TGFBR2: variants seen among roughly 807,000 people sequenced by gnomAD.
TGFBR2 encodes transforming growth factor beta receptor 2.
In TGFBR2, 18 loss-of-function variants were observed where a neutral mutation model predicts 49.0. That is an observed-to-expected ratio of 0.37 (90% CI 0.25 to 0.54). TGFBR2 has a LOEUF of 0.54. Ranked by LOEUF, TGFBR2 falls within the 20% of genes least tolerant of loss-of-function variation. The pLI is 0.85. For synonymous variants in TGFBR2, 282 were observed against 275.9 expected (o/e 1.02, Z -0.22); for missense variants, 525 against 722.6 (o/e 0.73, Z 3.13).
chr3:30,620,719 C>T (rs1559448388), intron 1 of TGFBR2, among the ~76,000 whole-genome samples: 1 of 152,238 alleles, frequency 6.6e-6, no homozygotes, highest in East Asian at 1.9e-4. Context: ...CACACCATCT[C>T]ACGCAGGACA....
At chr3:30,628,958 A>T (rs570773109) in intron 1 of TGFBR2, among the ~76,000 whole-genome samples, 9 of 152,260 alleles carry the variant, frequency 5.9e-5, no homozygotes, top group Non-Finnish European at 7.4e-5. Flanking sequence ...AGAAGTTGGG[A>T]TAGAACTTTA....
At chr3:30,645,673 A>G (rs1221317120) in intron 2 of TGFBR2, among the ~76,000 whole-genome samples, 1 of 151,846 alleles carries the variant, frequency 6.6e-6, no homozygotes, top group African/African-American at 2.4e-5. Flanking sequence ...TTTAGTAGAG[A>G]CGGGGTTTCA....
At position 30,693,714 on chromosome 3, in the gene TGFBR2, T is replaced by G. The variant is rs1699751017; in HGVS notation, c.*2115T>G. 4.3e-6 allele frequency: 1 copy of G among 233,580 alleles called. No homozygotes were observed. The allele number at this position is 233,580 out of a possible 1,614,324, so 14.5% of individuals were successfully genotyped here. ...ATAGCTGTTGCCCATTGACCTCTAG[T>G]GGTGAGTTTCTAGAATACTGGTCCA... On this transcript the variant is annotated 3_prime_UTR_variant, in exon 7 of 7. Coordinates refer to ENST00000295754, the MANE Select transcript of TGFBR2 (RefSeq NM_003242.6).
At chr3:30,673,210 C>G (rs1417058360) in intron 4 of TGFBR2, among the ~76,000 whole-genome samples, 2 of 152,120 alleles carry the variant, frequency 1.3e-5, no homozygotes, top group Admixed American at 1.3e-4. Context: ...GAAATATGGA[C>G]AGACTAATGT....
intron 2 of TGFBR2, among the ~76,000 whole-genome samples, chr3:30,649,949 T>G (rs529493040): frequency 1.0e-3 from 156 of 152,302 alleles, no homozygotes; most frequent in African/African-American, 3.4e-3. Context: ...GTCTTCCCCT[T>G]TAATGATTTA....
intron 1 of TGFBR2, among the ~76,000 whole-genome samples, chr3:30,612,090 C>T (rs1215628887): frequency 1.3e-5 from 2 of 152,080 alleles, no homozygotes; most frequent in Non-Finnish European, 2.9e-5. Flanking sequence ...TACTTCTTTG[C>T]TTGGCATGCC....
chr3:30,654,593 C>A (rs553314941), intron 3 of TGFBR2, among the ~76,000 whole-genome samples: 2 of 152,144 alleles, frequency 1.3e-5, no homozygotes, highest in African/African-American at 4.8e-5. Flanking sequence ...AGAGTCTATC[C>A]CTGTACTAAC....
chr3:30,644,801 T>A lies in TGFBR2; in HGVS notation c.149T>A (p.Leu50Gln). ...DNNGAVKFPQ[L>Q]CKFCDVRFST... ...AACGGTGCAGTCAAGTTTCCACAAC[T>A]GTGTAAATTTTGTGATGTGAGATTT... The change falls in exon 2 of 7, where the codon CTG (leucine) becomes CAG (glutamine). Residue 50 changes from leucine to glutamine, a missense_variant. By Grantham distance (113) the Leu-to-Gln change is moderately radical. This residue lies in a region of TGFBR2 where 376 missense variants were observed against 478.2 expected (regional missense o/e 0.79). Transcript: ENST00000295754. 6.2e-7 allele frequency: 1 copy of A among 1,614,194 alleles called. No individual in the cohort carries two copies. Among genetic ancestry groups the A allele is most frequent in the Non-Finnish European group, 8.5e-7 (1 of 1,180,010 alleles).
chr3:30,630,026 CTTCTCT>C (rs1367971403), intron 1 of TGFBR2, among the ~76,000 whole-genome samples: 1 of 152,134 alleles, frequency 6.6e-6, no homozygotes, highest in African/African-American at 2.4e-5. Flanking sequence ...CTCATTTTTG[CTTCTCT>C]TTCTAAGAGT....
At chr3:30,627,175 C>T (rs933417722) in intron 1 of TGFBR2, among the ~76,000 whole-genome samples, 7 of 152,094 alleles carry the variant, frequency 4.6e-5, no homozygotes, top group South Asian at 2.1e-4. Context: ...GACCTCGTTC[C>T]GCACACAGTA....
rs886058329 is a variant in TGFBR2 at position 30,694,024 on chromosome 3, C to A, written c.*2425C>A. 1.7e-5 allele frequency: 4 copies of A among 229,930 alleles called. No homozygotes were observed. The highest frequency in any genetic ancestry group is 3.5e-5 in the Non-Finnish European group (4 of 115,890). The allele number at this position is 229,930 out of a possible 1,614,324, so 14.2% of individuals were successfully genotyped here. A position where few individuals can be genotyped will look rare whatever the true frequency, so the allele number is the denominator to read the frequency against. On this transcript the variant is annotated 3_prime_UTR_variant, in exon 7 of 7. Transcript: ENST00000295754. ...CTCTTTTTATATCAAAAGTCTCAAG[C>A]ACTTATTTTTATTCTATGCATTGTT...
chr3:30,607,125 C>T, intron 1 of TGFBR2, 148 bp downstream of exon 1: 1 of 638,656 alleles, frequency 1.6e-6, no homozygotes, highest in Non-Finnish European at 2.8e-6. Flanking sequence ...CGCAGCCCGA[C>T]TCCCGTAGCT....
At chr3:30,634,640 T>C (rs1262757456) in intron 1 of TGFBR2, among the ~76,000 whole-genome samples, 1 of 152,234 alleles carries the variant, frequency 6.6e-6, no homozygotes, top group Non-Finnish European at 1.5e-5. Context: ...TTATCTTGCC[T>C]CTATCAGTCT....
At chr3:30,677,073 CT>C (rs1699452894) in intron 5 of TGFBR2, among the ~76,000 whole-genome samples, 1 of 152,190 alleles carries the variant, frequency 6.6e-6, no homozygotes, top group African/African-American at 2.4e-5. Context: ...CTCTGTTATT[CT>C]ATAAACATGA....
chr3:30,611,320 A>C (rs775743299), intron 1 of TGFBR2, among the ~76,000 whole-genome samples: 49 of 152,330 alleles, frequency 3.2e-4, no homozygotes, highest in Admixed American at 1.2e-3. Flanking sequence ...CCAAATAGTA[A>C]AATCTTTACT....
At chr3:30,681,520 A>C (rs1699540063) in intron 5 of TGFBR2, among the ~76,000 whole-genome samples, 1 of 152,190 alleles carries the variant, frequency 6.6e-6, no homozygotes, top group African/African-American at 2.4e-5. Context: ...TTTTCTCTTA[A>C]GAGCCTTTTG....
chr3:30,687,942 A>G (rs909434201), intron 5 of TGFBR2, among the ~76,000 whole-genome samples: 3 of 152,344 alleles, frequency 2.0e-5, no homozygotes, highest in African/African-American at 7.2e-5. Context: ...CAATACCTAC[A>G]TGAAATTTAA....
At position 30,691,550 on chromosome 3, in the gene TGFBR2, G is replaced by T; in HGVS notation, c.1655G>T (p.Cys552Phe). The change falls in exon 7 of 7, where the codon TGC becomes TTC. Residue 552 changes from cysteine to phenylalanine, a missense_variant. This residue lies in a region of TGFBR2 where 104 missense variants were observed against 133.4 expected (regional missense o/e 0.78). Coordinates refer to ENST00000295754, the MANE Select transcript of TGFBR2 (RefSeq NM_003242.6). ...EHLDRLSGRS[C>F]SEEKIPEDGS... is the part of the protein sequence containing the mutation. Reference sequence around the variant, plus strand: ...CTGGACAGGCTCTCGGGGAGGAGCTGCTCGGAGGAGAAGATTCCTGAAGAC... The same window carrying T: ...CTGGACAGGCTCTCGGGGAGGAGCTTCTCGGAGGAGAAGATTCCTGAAGAC... 6.2e-7 allele frequency: 1 copy of T among 1,614,118 alleles called. No homozygotes were observed. Among genetic ancestry groups the T allele is most frequent in the South Asian group, 1.1e-5 (1 of 91,078 alleles).
At chr3:30,673,833 A>T (rs554758144) in intron 4 of TGFBR2, among the ~76,000 whole-genome samples, 9 of 152,202 alleles carry the variant, frequency 5.9e-5, no homozygotes, top group Non-Finnish European at 7.4e-5. Flanking sequence ...GACATAAGTC[A>T]TGGGGTTAGA....
Sources: allele counts gnomAD v4.1 joint callset (sites outside exome capture counted in the v4.1 genomes callset), GRCh38; gene constraint gnomAD v4.1.1; regional missense constraint gnomAD v4.1.1; transcripts MANE v1.5; gene names NCBI Gene and HGNC (gene_info 2026-07-23, HGNC 2026-07-21).